EHBP1: variants seen among roughly 807,000 people sequenced by gnomAD.
The protein encoded by EHBP1 is EH domain binding protein 1, also known as EH domain-binding protein 1.
EHBP1 carries 55 observed loss-of-function variants against 144.0 expected under a neutral mutation model. The ratio of observed to expected loss-of-function variants is 0.38; its 90% confidence interval spans 0.31 to 0.48. The LOEUF is 0.48. Among genes scored for constraint, EHBP1 ranks in the 20% least tolerant of loss-of-function variants. EHBP1 has a pLI of 0.98. For synonymous variants in EHBP1, 469 were observed against 472.7 expected (o/e 0.99, Z 0.10); for missense variants, 1,200 against 1,364.2 (o/e 0.88, Z 1.90).
At chr2:62,719,959 A>T (rs2036061553) in intron 2 of EHBP1, among the ~76,000 whole-genome samples, 1 of 152,182 alleles carries the variant, frequency 6.6e-6, no homozygotes, top group South Asian at 2.1e-4. Context: ...TTTCAATGAT[A>T]CCACATTTTT....
intron 16 of EHBP1, among the ~76,000 whole-genome samples, chr2:62,991,112 G>C (rs533290988): frequency 6.6e-6 from 1 of 151,954 alleles, no homozygotes; most frequent in Non-Finnish European, 1.5e-5. Flanking sequence ...AGGCATGGTG[G>C]TGCATGACTG....
intron 5 of EHBP1, among the ~76,000 whole-genome samples, chr2:62,781,872 A>G (rs920970386): frequency 1.3e-5 from 2 of 152,248 alleles, no homozygotes; most frequent in Non-Finnish European, 2.9e-5. Flanking sequence ...TGATCAGTTA[A>G]TAACTTCATA....
intron 13 of EHBP1, among the ~76,000 whole-genome samples, chr2:62,954,737 T>C (rs528899383): frequency 6.6e-6 from 1 of 152,222 alleles, no homozygotes; most frequent in East Asian, 1.9e-4. Flanking sequence ...ACCAAAACTA[T>C]GCAATGAAAG....
intron 10 of EHBP1, among the ~76,000 whole-genome samples, chr2:62,880,956 A>G (rs2051354698): frequency 6.6e-6 from 1 of 152,142 alleles, no homozygotes; most frequent in Non-Finnish European, 1.5e-5. Flanking sequence ...TCACAGCACT[A>G]TTCACAATAG....
chr2:62,741,393 T>A (rs1311306767), intron 2 of EHBP1, among the ~76,000 whole-genome samples: 1 of 152,162 alleles, frequency 6.6e-6, no homozygotes, highest in African/African-American at 2.4e-5. Flanking sequence ...AAGTTATTAC[T>A]TCCCCTTTCA....
chr2:63,032,745 A>AT (rs1324959980), intron 19 of EHBP1, among the ~76,000 whole-genome samples: 1 of 152,064 alleles, frequency 6.6e-6, no homozygotes, highest in African/African-American at 2.4e-5. Context: ...AAGTCCATGC[A>AT]CAGGGGTCTG....
At chr2:62,923,422 G>A (rs2153013185) in intron 10 of EHBP1, among the ~76,000 whole-genome samples, 1 of 152,284 alleles carries the variant, frequency 6.6e-6, no homozygotes, top group Admixed American at 6.5e-5. Context: ...CTATGTGATT[G>A]CACCCTGAGA....
At chr2:62,888,304 C>T (rs1007043168) in intron 10 of EHBP1, among the ~76,000 whole-genome samples, 14 of 152,200 alleles carry the variant, frequency 9.2e-5, no homozygotes, top group African/African-American at 3.4e-4. Context: ...GAACCAGTAA[C>T]GCTAGCATCA....
chr2:62,843,925 A>G (rs530592978), intron 7 of EHBP1, among the ~76,000 whole-genome samples: 1 of 152,298 alleles, frequency 6.6e-6, no homozygotes, highest in South Asian at 2.1e-4. Flanking sequence ...CCAAGTTTGA[A>G]ATTGTTATTG....
chr2:63,015,010 A>G (rs2060426895), intron 19 of EHBP1, among the ~76,000 whole-genome samples: 1 of 152,218 alleles, frequency 6.6e-6, no homozygotes, highest in Non-Finnish European at 1.5e-5. Flanking sequence ...TTAGAGTTAA[A>G]TTAATTCTGT....
At chr2:62,692,782 T>C (rs2151748672) in intron 1 of EHBP1, among the ~76,000 whole-genome samples, 1 of 152,252 alleles carries the variant, frequency 6.6e-6, no homozygotes, top group African/African-American at 2.4e-5. Flanking sequence ...TATATATTTA[T>C]GGGGTACCTG....
intron 19 of EHBP1, among the ~76,000 whole-genome samples, chr2:63,002,472 G>A (rs916033090): frequency 6.6e-6 from 1 of 151,958 alleles, no homozygotes. Context: ...TGTATTAGAA[G>A]AACTTATAGA....
At chr2:62,802,855 G>T (rs559735869) in intron 5 of EHBP1, among the ~76,000 whole-genome samples, 20 of 151,228 alleles carry the variant, frequency 1.3e-4, no homozygotes, top group Admixed American at 4.6e-4. Context: ...CTCCCCAATA[G>T]CTGGGATTAG....
chr2:62,791,747 G>T (rs1354643662), intron 5 of EHBP1, among the ~76,000 whole-genome samples: 2 of 151,886 alleles, frequency 1.3e-5, no homozygotes, highest in African/African-American at 2.4e-5. Flanking sequence ...TTTATAGAAT[G>T]ATTACAATAT....
chr2:62,817,664 G>A (rs2045547186), intron 5 of EHBP1, among the ~76,000 whole-genome samples: 1 of 152,170 alleles, frequency 6.6e-6, no homozygotes, highest in Non-Finnish European at 1.5e-5. Flanking sequence ...GCAAAGGCAG[G>A]AGCAGCAAGA....
intron 2 of EHBP1, among the ~76,000 whole-genome samples, chr2:62,708,629 A>T (rs976818173): frequency 1.3e-5 from 2 of 152,334 alleles, no homozygotes; most frequent in African/African-American, 4.8e-5. Flanking sequence ...TCAGGGACAT[A>T]GTGCCTAATA....
At chr2:62,913,836 GC>G (rs774975880) in intron 10 of EHBP1, among the ~76,000 whole-genome samples, 3 of 152,106 alleles carry the variant, frequency 2.0e-5, no homozygotes, top group Non-Finnish European at 4.4e-5. Context: ...GTCTAGTAAA[GC>G]ATAACTCCTC....
chr2:62,758,396 C>G (rs1374555768), intron 3 of EHBP1, among the ~76,000 whole-genome samples: 1 of 152,146 alleles, frequency 6.6e-6, no homozygotes, highest in Non-Finnish European at 1.5e-5. Context: ...GCCTGATCCA[C>G]CACATCTGAT....
chr2:62,774,294 C>T (rs1408394133), intron 5 of EHBP1, among the ~76,000 whole-genome samples: 2 of 151,358 alleles, frequency 1.3e-5, no homozygotes. Flanking sequence ...TCACTTAAAC[C>T]TGGGAGGCAG....
Sources: allele counts gnomAD v4.1 joint callset (sites outside exome capture counted in the v4.1 genomes callset), GRCh38; gene constraint gnomAD v4.1.1; transcripts MANE v1.5; gene names NCBI Gene and HGNC (gene_info 2026-07-23, HGNC 2026-07-21).